TOX2: variants seen among roughly 807,000 people sequenced by gnomAD.
TOX2 encodes granulosa cell HMG box 1.
In TOX2, 15 loss-of-function variants were observed where a neutral mutation model predicts 47.4. The observed-to-expected ratio is 0.32, with a 90% CI of 0.21 to 0.49. The LOEUF is 0.49. TOX2 is among the 20% of genes least tolerant of loss of function. The probability of loss-of-function intolerance (pLI) is 0.99; values close to 1 mark genes in which losing one functional copy is unlikely to be tolerated. For missense variants in TOX2, 622 were observed against 673.1 expected, an observed-to-expected ratio of 0.92 and a Z score of 0.84; for synonymous variants, 290 against 296.6, an observed-to-expected ratio of 0.98 and a Z score of 0.23.
Position 43,999,494 on chromosome 20 carries a change from A to G in TOX2, c.166-7053A>G, listed in dbSNP as rs188897582. ...AATTCCATATATAATAACATCTAAGAGAATAAAATATGTAGGAATAAATTT... is the reference window on the plus strand; with the variant it reads ...AATTCCATATATAATAACATCTAAGGGAATAAAATATGTAGGAATAAATTT... On this transcript the variant is annotated intron_variant, in intron 2 of 8. Transcript: ENST00000341197. Among the ~76,000 whole-genome samples, 5 of 152,354 alleles carry G rather than the reference A, an allele frequency of 3.3e-5. No individual in the cohort carries two copies. The East Asian group carries it at 9.6e-4, about 29-fold the overall frequency.
At position 44,022,053 on chromosome 20, in the gene TOX2, G is replaced by A. The variant is rs112611904; in HGVS notation, c.411+15261G>A. On this transcript the variant is annotated intron_variant, in intron 3 of 8. Transcript: ENST00000341197. ...GCCCTTAGCACGTGGCGGAAGGCCCGTCACCCACACATGCGTCCACAGCAC... is the reference window on the plus strand; with the variant it reads ...GCCCTTAGCACGTGGCGGAAGGCCCATCACCCACACATGCGTCCACAGCAC... 3.7e-3 allele frequency among the ~76,000 whole-genome samples: 568 copies of A among 152,302 alleles called. 2 individuals carry two copies. Among genetic ancestry groups the A allele is most frequent in the African/African-American group, 0.013 (527 of 41,566 alleles).
intron 7 of TOX2, 104 bp downstream of exon 7, chr20:44,066,211 C>A: frequency 7.8e-7 from 1 of 1,288,260 alleles, no homozygotes; most frequent in Non-Finnish European, 1.0e-6. Context: ...GATATAACCT[C>A]AGCCTTGGCA....
At chr20:44,063,603 G>C (rs1461091340) in intron 5 of TOX2, among the ~76,000 whole-genome samples, 1 of 152,074 alleles carries the variant, frequency 6.6e-6, no homozygotes, top group African/African-American at 2.4e-5. Flanking sequence ...CCCACTGCTT[G>C]GTATCCACCC....
intron 1 of TOX2, among the ~76,000 whole-genome samples, chr20:43,938,777 A>T (rs887398504): frequency 6.6e-6 from 1 of 152,210 alleles, no homozygotes; most frequent in Admixed American, 6.5e-5. Context: ...ATGGCAGGCA[A>T]AGAGCATTTG....
intron 1 of TOX2, among the ~76,000 whole-genome samples, chr20:43,926,297 A>G (rs559090623): frequency 1.3e-4 from 20 of 152,086 alleles, no homozygotes; most frequent in African/African-American, 3.6e-4. Flanking sequence ...TCTGTTCTCT[A>G]TGTCCACCTG....
intron 3 of TOX2, among the ~76,000 whole-genome samples, chr20:44,012,174 TACCC>T (rs1229470589): frequency 2.0e-5 from 3 of 152,356 alleles, no homozygotes; most frequent in African/African-American, 4.8e-5. Context: ...GTTTCTAAAA[TACCC>T]AAAGAAACTC....
intron 1 of TOX2, among the ~76,000 whole-genome samples, chr20:43,968,405 A>G (rs1394614861): frequency 1.3e-5 from 2 of 152,130 alleles, no homozygotes; most frequent in Non-Finnish European, 2.9e-5. Flanking sequence ...TTGGCTGCCT[A>G]TTTGCTAAGT....
rs577258954 is a variant in TOX2, at chr20:44,056,099, C to T, written c.879+1573C>T. On this transcript the variant is annotated intron_variant, in intron 5 of 8. Transcript: ENST00000341197. ...TGGGAACTCAGGAGCCTGCTTAGAACGTGCCAGGCCTCAGGGTCATCCTGT... is the reference window on the plus strand; with the variant it reads ...TGGGAACTCAGGAGCCTGCTTAGAATGTGCCAGGCCTCAGGGTCATCCTGT... Among the ~76,000 whole-genome samples, 5 of 152,246 alleles carry T rather than the reference C, an allele frequency of 3.3e-5. No homozygotes were observed. The South Asian group carries it at 1.0e-3, about 32-fold the overall frequency.
chr20:44,020,292 T>C (rs2070955208), intron 3 of TOX2, among the ~76,000 whole-genome samples: 1 of 152,052 alleles, frequency 6.6e-6, no homozygotes, highest in Non-Finnish European at 1.5e-5. Flanking sequence ...CTGCATAACT[T>C]CCTACGTAAG....
At chr20:43,943,696 G>A (rs532058416) in intron 1 of TOX2, among the ~76,000 whole-genome samples, 5 of 152,322 alleles carry the variant, frequency 3.3e-5, no homozygotes, top group Admixed American at 3.3e-4. Flanking sequence ...AGACTTGAAA[G>A]ATTTTTACCT....
At chr20:43,974,911 T>G (rs1008126311) in intron 2 of TOX2, among the ~76,000 whole-genome samples, 1 of 152,258 alleles carries the variant, frequency 6.6e-6, no homozygotes, top group African/African-American at 2.4e-5. Flanking sequence ...ATAATGCTGC[T>G]GCTGCAAAGC....
At position 44,065,788 on chromosome 20, in the gene TOX2, T is replaced by C. The variant is rs773741370; in HGVS notation, c.1037T>C (p.Met346Thr). The C allele has an allele frequency of 2.2e-5, 36 of 1,613,206 alleles. No individual in the cohort carries two copies. In the South Asian group the frequency reaches 3.3e-4, roughly 15 times the overall value. ...AAAATGCTCCCACCCAAGCAGCCCA[T>C]GTATGCCATGCCAGGCCTGGCCTCC... ...PAKMLPPKQPMYAMPGLASFL... is the reference protein window; with the variant it reads ...PAKMLPPKQPTYAMPGLASFL... The change falls in exon 7 of 9, where the codon ATG becomes ACG. Residue 346 changes from methionine to threonine, a missense_variant. Physicochemically the swap from Met to Thr is moderately conservative, Grantham distance 81 (BLOSUM62 -1). Transcript: ENST00000341197.
rs2069050799 is a variant in TOX2 at position 43,915,986 on chromosome 20, G to A, written c.99+996G>A. Among the ~76,000 whole-genome samples, 1 of 152,264 alleles carries A rather than the reference G, an allele frequency of 6.6e-6. No homozygotes were observed. On this transcript the variant is annotated intron_variant, in intron 1 of 8. Coordinates refer to ENST00000341197, the MANE Select transcript of TOX2 (RefSeq NM_001098797.2). This position sits in a 1 kb window ranked among gnomAD's most constrained non-coding sequence, Gnocchi z 7.1. ...TGCCGGGTCTGGCCCAGCCTGGATG[G>A]GTTGGGTGCCTCTAAGCAGTCCGCG... is the stretch of plus-strand genomic sequence containing the variant.
intron 1 of TOX2, among the ~76,000 whole-genome samples, chr20:43,945,012 A>G (rs550069138): frequency 1.1e-3 from 175 of 152,340 alleles, no homozygotes; most frequent in Non-Finnish European, 1.4e-3. Flanking sequence ...GGCCAGCTTT[A>G]TCCCAAGCCC....
At chr20:43,949,011 GGGATTGGTGTAGAAA>G (rs2069515417) in intron 1 of TOX2, among the ~76,000 whole-genome samples, 1 of 152,152 alleles carries the variant, frequency 6.6e-6, no homozygotes, top group African/African-American at 2.4e-5. Context: ...TAGTCATGGG[GGGATTGGTGTAGAAA>G]GGCAGCTTTG....
intron 2 of TOX2, among the ~76,000 whole-genome samples, chr20:44,004,628 A>G (rs2070646096): frequency 6.6e-6 from 1 of 152,150 alleles, no homozygotes; most frequent in South Asian, 2.1e-4. Context: ...GCTCTCCCCC[A>G]TGGAATTTAG....
intron 3 of TOX2, among the ~76,000 whole-genome samples, chr20:44,020,305 G>A (rs1198366542): frequency 2.0e-5 from 3 of 152,080 alleles, no homozygotes; most frequent in Non-Finnish European, 4.4e-5. Flanking sequence ...TACGTAAGAC[G>A]GCCCCCCAAG....
At chr20:43,998,040 A>G (rs193175666) in intron 2 of TOX2, among the ~76,000 whole-genome samples, 1 of 152,314 alleles carries the variant, frequency 6.6e-6, no homozygotes, top group East Asian at 1.9e-4. Flanking sequence ...TGCAGGCTCT[A>G]TAGGAGGCAT....
chr20:43,947,465 TGAG>T (rs1377312771), intron 1 of TOX2, among the ~76,000 whole-genome samples: 1 of 151,772 alleles, frequency 6.6e-6, no homozygotes, highest in Non-Finnish European at 1.5e-5. Flanking sequence ...GCTCAGCTCA[TGAG>T]GAGGGCGTGG....
Sources: allele counts gnomAD v4.1 joint callset (sites outside exome capture counted in the v4.1 genomes callset), GRCh38; gene constraint gnomAD v4.1.1; non-coding constraint Gnocchi (gnomAD v3.1); transcripts MANE v1.5; gene names NCBI Gene and HGNC (gene_info 2026-07-23, HGNC 2026-07-21).